Variants in CTDSPL2 observed in about 807,000 individuals in gnomAD.
CTDSPL2 encodes the protein CTD small phosphatase like 2, also known as CTD small phosphatase-like protein 2.
A neutral mutation model predicts 60.0 loss-of-function variants in CTDSPL2; 5 were observed. The ratio of observed to expected loss-of-function variants is 0.08; its 90% CI spans 0.04 to 0.18. The LOEUF (loss-of-function observed/expected upper bound fraction) is 0.18. Among genes scored for constraint, CTDSPL2 ranks in the 10% least tolerant of loss-of-function variants. CTDSPL2 has a pLI of 1.00. For missense variants in CTDSPL2, 370 were observed against 548.8 expected, an observed-to-expected ratio of 0.67 and a Z score of 3.26; for synonymous variants, 186 against 189.3, an observed-to-expected ratio of 0.98 and a Z score of 0.14.
chr15:44,476,183 C>G (rs2080912481), intron 2 of CTDSPL2, among the ~76,000 whole-genome samples: 1 of 152,120 alleles, frequency 6.6e-6, no homozygotes, highest in Non-Finnish European at 1.5e-5. Flanking sequence ...ATTCTCCTGC[C>G]TCATCCTCCT....
At chr15:44,456,814 A>T (rs1174918903) in intron 1 of CTDSPL2, among the ~76,000 whole-genome samples, 2 of 115,638 alleles carry the variant, frequency 1.7e-5, no homozygotes, top group African/African-American at 6.6e-5. Flanking sequence ...TTGCTTCTCT[A>T]GTTATTTTAA....
intron 1 of CTDSPL2, among the ~76,000 whole-genome samples, chr15:44,452,344 ATTAT>A (rs1328773081): frequency 1.3e-5 from 2 of 152,024 alleles, no homozygotes; most frequent in Admixed American, 6.6e-5. Flanking sequence ...TGTCTATGAG[ATTAT>A]TTCATGTTTG....
intron 2 of CTDSPL2, among the ~76,000 whole-genome samples, chr15:44,467,240 C>T (rs1273001789): frequency 1.3e-5 from 2 of 152,178 alleles, no homozygotes; most frequent in Non-Finnish European, 2.9e-5. Context: ...TTGTTTTATG[C>T]ATATATAATT....
intron 7 of CTDSPL2, among the ~76,000 whole-genome samples, chr15:44,498,747 A>G (rs1055953772): frequency 1.3e-5 from 2 of 151,988 alleles, no homozygotes; most frequent in African/African-American, 4.8e-5. Flanking sequence ...AAAAATACAA[A>G]AATTAGCCGG....
At chr15:44,445,026 A>G (rs1348476367) in intron 1 of CTDSPL2, among the ~76,000 whole-genome samples, 1 of 150,910 alleles carries the variant, frequency 6.6e-6, no homozygotes, top group Non-Finnish European at 1.5e-5. Flanking sequence ...TATTTTTAGT[A>G]GAGACGACAG....
chr15:44,448,799 G>A (rs1303069730), intron 1 of CTDSPL2: 7 of 352,674 alleles, frequency 2.0e-5, no homozygotes, highest in Non-Finnish European at 3.3e-5. Flanking sequence ...AGCTGCGGAC[G>A]CTTAGGAGGG....
At chr15:44,508,423 T>G (rs1252123962) in intron 8 of CTDSPL2, among the ~76,000 whole-genome samples, 2 of 152,140 alleles carry the variant, frequency 1.3e-5, no homozygotes, top group African/African-American at 2.4e-5. Context: ...TTCCCCAACT[T>G]TGTTTATTTT....
At chr15:44,433,131 A>G (rs1467838270) in intron 1 of CTDSPL2, among the ~76,000 whole-genome samples, 4 of 151,568 alleles carry the variant, frequency 2.6e-5, no homozygotes, top group African/African-American at 7.3e-5. Flanking sequence ...CCTGGGCAAC[A>G]TGGCGAAACC....
In CTDSPL2 at chr15:44,464,722, T is replaced by C. The variant is rs531743183; in HGVS notation, c.186+5522T>C. On this transcript the variant is annotated intron_variant, in intron 2 of 12. Transcript: ENST00000260327. ...AAATCCTCCTTTTTTTGTGCGTGTA[T>C]GTGAGACAGAGTCTCTCTCTGTCGC... Among the ~76,000 whole-genome samples, 4 of 152,302 alleles carry C rather than the reference T, an allele frequency of 2.6e-5. No homozygotes were observed. In the South Asian group the frequency reaches 6.2e-4, roughly 24 times the overall value.
chr15:44,502,251 A>G (rs1042712819), intron 8 of CTDSPL2, among the ~76,000 whole-genome samples: 1 of 151,966 alleles, frequency 6.6e-6, no homozygotes, highest in Non-Finnish European at 1.5e-5. Context: ...TAGCATTTAC[A>G]TATATATGTA....
intron 2 of CTDSPL2, among the ~76,000 whole-genome samples, chr15:44,476,690 G>A (rs1172589559): frequency 6.6e-6 from 1 of 152,170 alleles, no homozygotes; most frequent in African/African-American, 2.4e-5. Flanking sequence ...CAGGTGGGTT[G>A]CCTAGAGCGA....
rs186543068 is a variant in CTDSPL2 at position 44,492,020 on chromosome 15, C to T, written c.691+1021C>T. Among the ~76,000 whole-genome samples, 843 of 152,082 alleles carry T rather than the reference C, an allele frequency of 5.5e-3. 3 individuals carry two copies. Among genetic ancestry groups the T allele is most frequent in the Admixed American group, 9.4e-3 (144 of 15,260 alleles). On this transcript the variant is annotated intron_variant, in intron 5 of 12. Coordinates refer to ENST00000260327, the MANE Select transcript of CTDSPL2 (RefSeq NM_016396.3). ...CTGGGATTACAGGCATGTGACACCA[C>T]TCCCAGCTATTTTTTTTTTTTAACT...
chr15:44,513,594 G>C (rs778864134), intron 8 of CTDSPL2, among the ~76,000 whole-genome samples: 6 of 152,200 alleles, frequency 3.9e-5, no homozygotes, highest in Non-Finnish European at 7.3e-5. Context: ...ATGGATGCCA[G>C]AATTGAAACT....
At chr15:44,485,253 C>G (rs1209007465) in intron 3 of CTDSPL2, among the ~76,000 whole-genome samples, 1 of 152,222 alleles carries the variant, frequency 6.6e-6, no homozygotes, top group Non-Finnish European at 1.5e-5. Context: ...TGTTGATAAA[C>G]TCTGTCAATA....
chr15:44,519,307 G>A lies in CTDSPL2; in HGVS notation c.1239+12G>A, dbSNP rs1408348425. Reference sequence around the variant, plus strand: ...CCTTTGCATATCAGGTAGGAAGAAAGTTGATAAACAAACTCAGATTGGAAA... The same window carrying A: ...CCTTTGCATATCAGGTAGGAAGAAAATTGATAAACAAACTCAGATTGGAAA... On this transcript the variant is annotated intron_variant, in intron 11 of 12. Coordinates refer to ENST00000260327, the MANE Select transcript of CTDSPL2 (RefSeq NM_016396.3). The A allele has an allele frequency of 2.6e-6, 4 of 1,539,848 alleles. No individual in the cohort carries two copies. The highest frequency in any genetic ancestry group is 3.5e-6 in the Non-Finnish European group (4 of 1,154,622).
At chr15:44,494,960 G>A (rs1234606256) in intron 5 of CTDSPL2, among the ~76,000 whole-genome samples, 1 of 151,982 alleles carries the variant, frequency 6.6e-6, no homozygotes, top group African/African-American at 2.4e-5. Context: ...GCATAGAGTA[G>A]CATTTCTTAA....
intron 2 of CTDSPL2, among the ~76,000 whole-genome samples, chr15:44,474,422 G>A (rs1412748361): frequency 3.3e-5 from 5 of 151,876 alleles, no homozygotes; most frequent in African/African-American, 7.2e-5. Context: ...CCCAGGAGGC[G>A]GAGGTTGCAG....
At chr15:44,491,646 G>A (rs2081216139) in intron 5 of CTDSPL2, among the ~76,000 whole-genome samples, 1 of 152,070 alleles carries the variant, frequency 6.6e-6, no homozygotes, top group Non-Finnish European at 1.5e-5. Flanking sequence ...TTCTTATTAG[G>A]GCATGGAGAT....
intron 2 of CTDSPL2, among the ~76,000 whole-genome samples, chr15:44,473,561 C>G (rs1044093739): frequency 1.1e-4 from 17 of 152,212 alleles, no homozygotes; most frequent in Non-Finnish European, 1.9e-4. Flanking sequence ...TCCCAAAGTG[C>G]TGGGATTACA....
Sources: allele counts gnomAD v4.1 joint callset (sites outside exome capture counted in the v4.1 genomes callset), GRCh38; gene constraint gnomAD v4.1.1; transcripts MANE v1.5; gene names NCBI Gene and HGNC (gene_info 2026-07-23, HGNC 2026-07-21).